KCNJ18: variants seen among roughly 807,000 people sequenced by gnomAD.
KCNJ18 encodes the protein potassium inwardly rectifying channel subfamily J member 18.
In KCNJ18, 16 loss-of-function variants were observed where a neutral mutation model predicts 17.3. That is an observed-to-expected ratio of 0.92 (90% CI 0.62 to 1.40). KCNJ18 has a LOEUF of 1.40. KCNJ18 is among the 40% of genes most tolerant of loss of function. KCNJ18 has a pLI of 0.00. For synonymous variants in KCNJ18, 185 were observed against 262.6 expected (o/e 0.70, Z 2.86); for missense variants, 462 against 626.8 (o/e 0.74, Z 2.81).
Position 21,703,281 on chromosome 17 carries a change from G to A in KCNJ18, c.495G>A (p.Gln165=), listed in dbSNP as rs1316821550. The A allele has an allele frequency of 8.1e-6, 13 of 1,608,920 alleles. No homozygotes were observed. In the East Asian group the frequency reaches 2.7e-4, roughly 33 times the overall value. The part of the protein sequence containing the change: ...CLVAVFMVVA[Q]SIVGCIIDSF... ...TGGCCGTCTTCATGGTGGTGGCCCA[G>A]TCCATCGTGGGCTGCATCATCGACT... The change falls in exon 3 of 3, where the codon CAG becomes CAA. Residue 165 remains glutamine (Q), a synonymous_variant. Transcript: ENST00000567955.
chr17:21,694,878 T>C (rs1349296544), intron 1 of KCNJ18, among the ~76,000 whole-genome samples: 1 of 150,770 alleles, frequency 6.6e-6, no homozygotes, highest in Non-Finnish European at 1.5e-5. Context: ...CACTCAACCA[T>C]ATACCCACCC....
chr17:21,699,268 T>C (rs1905860298), intron 2 of KCNJ18, among the ~76,000 whole-genome samples: 2 of 152,296 alleles, frequency 1.3e-5, no homozygotes, highest in Admixed American at 1.3e-4. Context: ...TGGAGGATAT[T>C]GTCCTATATT....
In KCNJ18 at chr17:21,702,771, T is replaced by C. The variant is rs1906005628; in HGVS notation, c.-16T>C. The C allele has an allele frequency of 1.4e-4, 220 of 1,570,090 alleles. 1 individual carries two copies. In the South Asian group the frequency reaches 2.4e-3, roughly 17 times the overall value. ...GAGCTAGCCTGGGGGTGAGCCAGGG[T>C]CCCCCAACCCCCGGGATGACCGCGG... On this transcript the variant is annotated 5_prime_UTR_variant, in exon 3 of 3. Coordinates refer to ENST00000567955, the MANE Select transcript of KCNJ18 (RefSeq NM_001194958.2).
At chr17:21,702,192 G>T (rs1236290712) in intron 2 of KCNJ18, among the ~76,000 whole-genome samples, 1 of 151,956 alleles carries the variant, frequency 6.6e-6, no homozygotes, top group Non-Finnish European at 1.5e-5. Context: ...ACAGCCTGGT[G>T]CCAGGGGCTG....
At chr17:21,694,364 C>A (rs1403705469) in intron 1 of KCNJ18, among the ~76,000 whole-genome samples, 1 of 151,724 alleles carries the variant, frequency 6.6e-6, no homozygotes, top group East Asian at 1.9e-4. Flanking sequence ...GCAGGGGGAT[C>A]CCTTTGACAG....
rs1159387281 is a variant in KCNJ18, at chr17:21,704,147, TC to T, written c.*60del. ...GGCCGGGGAGAGGCCCCGCGGTCGC[TC>T]AGGGGCCCTGGGTTTGAGCAGAACG... On this transcript the variant is annotated 3_prime_UTR_variant, in exon 3 of 3. Coordinates refer to ENST00000567955, the MANE Select transcript of KCNJ18 (RefSeq NM_001194958.2). The T allele has an allele frequency of 7.8e-5, 115 of 1,465,454 alleles. No homozygotes were observed. The African/African-American group carries it at 1.5e-3, about 20-fold the overall frequency. The allele number at this position is 1,465,454 out of a possible 1,614,324, so 90.8% of individuals were successfully genotyped here.
intron 2 of KCNJ18, among the ~76,000 whole-genome samples, chr17:21,699,218 C>T (rs1354701074): frequency 1.3e-5 from 2 of 152,200 alleles, no homozygotes; most frequent in South Asian, 2.1e-4. Context: ...ACTGTATGCA[C>T]CCCATTGAGC....
chr17:21,697,585 C>G (rs1356000832), intron 2 of KCNJ18, among the ~76,000 whole-genome samples: 2 of 152,270 alleles, frequency 1.3e-5, no homozygotes, highest in Non-Finnish European at 2.9e-5. Context: ...CCTCCCACTC[C>G]TGGCTCTGGC....
intron 1 of KCNJ18, among the ~76,000 whole-genome samples, chr17:21,693,062 C>T (rs1905649594): frequency 6.6e-6 from 1 of 152,310 alleles, no homozygotes; most frequent in African/African-American, 2.4e-5. Context: ...CAGTCGTGGT[C>T]ATGGGGAAGC....
Position 21,703,293 on chromosome 17 carries a change from C to T in KCNJ18, c.507C>T (p.Gly169=). The T allele has an allele frequency of 6.2e-7, 1 of 1,608,554 alleles. No homozygotes were observed. The highest frequency in any genetic ancestry group is 1.7e-5 in the Admixed American group (1 of 59,942). ...VFMVVAQSIV[G]CIIDSFMIGA... ...TGGTGGTGGCCCAGTCCATCGTGGGCTGCATCATCGACTCCTTCATGATTG... is the reference window on the plus strand; with the variant it reads ...TGGTGGTGGCCCAGTCCATCGTGGGTTGCATCATCGACTCCTTCATGATTG... Residue 169 remains glycine, a synonymous_variant, in exon 3 of 3, where the codon GGC becomes GGT. Coordinates refer to ENST00000567955, the MANE Select transcript of KCNJ18 (RefSeq NM_001194958.2).
intron 2 of KCNJ18, among the ~76,000 whole-genome samples, chr17:21,701,407 C>G (rs1425893912): frequency 6.6e-6 from 1 of 152,402 alleles, no homozygotes; most frequent in East Asian, 1.9e-4. Context: ...CTTAGAGATG[C>G]GGGAAGCAGG....
At chr17:21,696,890 C>T (rs1423593644) in intron 2 of KCNJ18, among the ~76,000 whole-genome samples, 8 of 152,014 alleles carry the variant, frequency 5.3e-5, no homozygotes, top group Non-Finnish European at 1.0e-4. Flanking sequence ...AAGGTTCCAG[C>T]GCAAGTAGTT....
chr17:21,695,227 C>G (rs1389516599), intron 1 of KCNJ18, among the ~76,000 whole-genome samples: 1 of 151,772 alleles, frequency 6.6e-6, no homozygotes, highest in Non-Finnish European at 1.5e-5. Flanking sequence ...ATCCATCTTT[C>G]CATCCTATTA....
intron 2 of KCNJ18, among the ~76,000 whole-genome samples, chr17:21,701,736 C>T (rs1242528374): frequency 6.6e-6 from 1 of 152,234 alleles, no homozygotes; most frequent in Non-Finnish European, 1.5e-5. Context: ...CATGGTGAAA[C>T]CCCGTCTCTA....
Position 21,702,899 on chromosome 17 carries a change from C to G in KCNJ18, c.113C>G (p.Thr38Arg), listed in dbSNP as rs1165714730. Residue 38 changes from threonine (T) to arginine (R), a missense_variant, in exon 3 of 3, where the codon ACG (threonine) becomes AGG (arginine). Physicochemically the swap from Thr to Arg is moderately conservative, Grantham distance 71 (BLOSUM62 -1). Around this residue, in one of 5 missense-constraint regions of KCNJ18, gnomAD observed 237 missense variants for 259.4 expected, o/e 0.91. Coordinates refer to ENST00000567955, the MANE Select transcript of KCNJ18 (RefSeq NM_001194958.2). ...ANGFGNGKVH[T>R]RRRCRNRFVK... ...GGCTTCGGCAACGGCAAGGTGCACACGCGGCGCAGGTGCCGCAACCGCTTC... is the reference window on the plus strand; with the variant it reads ...GGCTTCGGCAACGGCAAGGTGCACAGGCGGCGCAGGTGCCGCAACCGCTTC... 1.9e-6 allele frequency: 3 copies of G among 1,598,270 alleles called. No homozygotes were observed. Among genetic ancestry groups the G allele is most frequent in the Admixed American group, 1.7e-5 (1 of 58,462 alleles).
intron 1 of KCNJ18, among the ~76,000 whole-genome samples, chr17:21,694,974 CCCAT>C (rs1386357635): frequency 7.2e-4 from 109 of 151,926 alleles, no homozygotes; most frequent in African/African-American, 2.4e-3. Flanking sequence ...CAATCATCTG[CCCAT>C]CCATCCATCC....
intron 2 of KCNJ18, among the ~76,000 whole-genome samples, chr17:21,699,351 C>T (rs1905863303): frequency 6.6e-6 from 1 of 152,124 alleles, no homozygotes; most frequent in South Asian, 2.1e-4. Flanking sequence ...CAGGAGTGTT[C>T]TTGGGACATT....
chr17:21,693,243 G>A (rs1905656370), intron 1 of KCNJ18, among the ~76,000 whole-genome samples: 1 of 152,288 alleles, frequency 6.6e-6, no homozygotes, highest in African/African-American at 2.4e-5. Context: ...GTGCTGCCCT[G>A]CCCTGTGACT....
Position 21,704,384 on chromosome 17 carries a change from G to C in KCNJ18, c.*296G>C, listed in dbSNP as rs1464015618. On this transcript the variant is annotated 3_prime_UTR_variant, in exon 3 of 3. Transcript: ENST00000567955. ...GCCTGAAGATGGAGCTGCAGCCTGC[G>C]GGGAAGCAGCCCAGCTCGATGGTGG... 4.0e-6 allele frequency: 1 copy of C among 252,206 alleles called. No homozygotes were observed. Among genetic ancestry groups the C allele is most frequent in the Non-Finnish European group, 7.1e-6 (1 of 141,484 alleles). 15.6% of individuals were successfully genotyped at this position (252,206 alleles called of 1,614,324 possible).
Sources: allele counts gnomAD v4.1 joint callset (sites outside exome capture counted in the v4.1 genomes callset), GRCh38; gene constraint gnomAD v4.1.1; regional missense constraint gnomAD v4.1.1; transcripts MANE v1.5; gene names NCBI Gene and HGNC (gene_info 2026-07-23, HGNC 2026-07-21).